LARP1B: variants seen among roughly 807,000 people sequenced by gnomAD.
The protein encoded by LARP1B is la-related protein 1B.
LARP1B carries 76 observed loss-of-function variants against 114.2 expected under a neutral mutation model. The ratio of observed to expected loss-of-function variants is 0.67; its 90% CI spans 0.55 to 0.81. The LOEUF (loss-of-function observed/expected upper bound fraction) is 0.81. Ranked by LOEUF, LARP1B falls within the 30% of genes least tolerant of loss-of-function variation. The pLI is 0.00. For missense variants in LARP1B, 1,014 were observed against 1,075.8 expected, an observed-to-expected ratio of 0.94 and a Z score of 0.80; for synonymous variants, 345 against 348.0, an observed-to-expected ratio of 0.99 and a Z score of 0.10.
At chr4:128,214,618 A>G (rs1381878714), downstream of LARP1B, among the ~76,000 whole-genome samples, 2 of 138,918 alleles carry the variant, frequency 1.4e-5, no homozygotes, top group African/African-American at 2.7e-5. Flanking sequence ...ACCAGAAAGG[A>G]CATCTACACC....
At chr4:128,078,805 G>A (rs888188066) in intron 4 of LARP1B, among the ~76,000 whole-genome samples, 1 of 152,048 alleles carries the variant, frequency 6.6e-6, no homozygotes, top group Non-Finnish European at 1.5e-5. Flanking sequence ...GTCTTCAGGC[G>A]CTTCTAGGCA....
chr4:128,074,395 ATAGT>A, intron 1 of LARP1B, 61 bp from the exon 2 acceptor site: 1 of 253,764 alleles, frequency 3.9e-6, no homozygotes, highest in South Asian at 1.5e-4. Flanking sequence ...AATTGACATA[ATAGT>A]TATTTTGTTG....
At chr4:128,083,418 C>T (rs11944181) in intron 5 of LARP1B, among the ~76,000 whole-genome samples, 3,986 of 148,236 alleles carry the variant, frequency 0.027, 149 homozygotes, top group African/African-American at 0.094. Flanking sequence ...CCTCACCTCC[C>T]GGACGGGGCG....
rs1415712426 is a variant in LARP1B at position 128,069,113 on chromosome 4, A to G, written c.-77-5347A>G. On this transcript the variant is annotated intron_variant, in intron 1 of 19. Coordinates refer to ENST00000326639, the MANE Select transcript of LARP1B (RefSeq NM_018078.4). ...GGCACTTAAGGCCCTTTCCAAGGCT[A>G]TGGCTCTTTCGGCCTGCAGATGGCA... The G allele has an allele frequency of 1.6e-5, 18 of 1,095,180 alleles. No homozygotes were observed. The African/African-American group carries it at 2.1e-4, about 13-fold the overall frequency. The allele number at this position is 1,095,180 out of a possible 1,614,324, so 67.8% of individuals were successfully genotyped here.
Position 128,114,697 on chromosome 4 carries a change from G to A in LARP1B, c.1116G>A (p.Trp372Ter), listed in dbSNP as rs1271338014. Reference sequence around the variant, plus strand: ...TGCCTGACTTGGACTCAGAACCTTGGATAGAAGTTAAAAAAAGACATCAGC... The same window carrying A: ...TGCCTGACTTGGACTCAGAACCTTGAATAGAAGTTAAAAAAAGACATCAGC... ...TSLPDLDSEP[W>*]IEVKKRHQPA... is the part of the protein sequence containing the mutation. Residue 372 changes from tryptophan to a stop codon, truncating the protein, a stop_gained, in exon 10 of 20, where the codon TGG (tryptophan) becomes TGA (stop). Transcript: ENST00000326639. LOFTEE classifies it high-confidence loss of function. 2 of 1,614,086 alleles carry A rather than the reference G, an allele frequency of 1.2e-6. No individual in the cohort carries two copies. The highest frequency in any genetic ancestry group is 1.1e-5 in the South Asian group (1 of 91,072).
At chr4:128,101,538 A>G (rs1396136549) in intron 8 of LARP1B, among the ~76,000 whole-genome samples, 1 of 151,164 alleles carries the variant, frequency 6.6e-6, no homozygotes, top group Non-Finnish European at 1.5e-5. Flanking sequence ...GTTTCTATAT[A>G]TTGTAATTAA....
At chr4:128,091,308 A>C (rs1266054897) in intron 6 of LARP1B, 39 bp from the exon 7 acceptor site, 2 of 1,558,258 alleles carry the variant, frequency 1.3e-6, no homozygotes, top group South Asian at 2.4e-5. Flanking sequence ...ATTTTTTTCT[A>C]ATATGTGATT....
intron 12 of LARP1B, among the ~76,000 whole-genome samples, chr4:128,173,234 T>C (rs1744580266): frequency 6.6e-6 from 1 of 152,108 alleles, no homozygotes; most frequent in Non-Finnish European, 1.5e-5. Context: ...CACGGGCCAA[T>C]GTGATAACGC....
chr4:128,069,512 AG>A, intron 1 of LARP1B: 1 of 748,832 alleles, frequency 1.3e-6, no homozygotes, highest in South Asian at 1.4e-5. Flanking sequence ...TGGGGTGGGG[AG>A]CCCTGTGGAG....
At chr4:128,118,573 A>G (rs1786830434) in intron 10 of LARP1B, among the ~76,000 whole-genome samples, 1 of 151,738 alleles carries the variant, frequency 6.6e-6, no homozygotes, top group Non-Finnish European at 1.5e-5. Flanking sequence ...CTGAGTATTC[A>G]TGTCCTTCAT....
chr4:128,199,633 T>G (rs1755297144), intron 16 of LARP1B, 34 bp downstream of exon 16: 2 of 1,087,296 alleles, frequency 1.8e-6, no homozygotes, highest in Non-Finnish European at 2.4e-6. Context: ...TCTAATATAT[T>G]TAAAATTAAA....
chr4:128,171,588 G>T (rs997026160), intron 12 of LARP1B, among the ~76,000 whole-genome samples: 2 of 152,046 alleles, frequency 1.3e-5, no homozygotes, highest in Non-Finnish European at 2.9e-5. Flanking sequence ...GACCTTTACC[G>T]TTTATCTTGC....
intron 12 of LARP1B, among the ~76,000 whole-genome samples, chr4:128,167,599 T>C (rs1486128676): frequency 6.6e-6 from 1 of 152,102 alleles, no homozygotes; most frequent in Non-Finnish European, 1.5e-5. Flanking sequence ...ATTTTTGCTT[T>C]TGTTGCCTGA....
chr4:128,159,613 T>C (rs1737482019), intron 11 of LARP1B, among the ~76,000 whole-genome samples: 1 of 152,200 alleles, frequency 6.6e-6, no homozygotes, highest in Non-Finnish European at 1.5e-5. Context: ...TTTGTTGCAG[T>C]TCATGAACCT....
chr4:128,201,635 C>T (rs1422251428), intron 17 of LARP1B, among the ~76,000 whole-genome samples: 2 of 152,220 alleles, frequency 1.3e-5, no homozygotes, highest in African/African-American at 2.4e-5. Context: ...TACTTCTCTT[C>T]GTCCTCCCTG....
intron 3 of LARP1B, among the ~76,000 whole-genome samples, chr4:128,075,623 C>T (rs1212450648): frequency 6.6e-6 from 1 of 151,524 alleles, no homozygotes; most frequent in African/African-American, 2.4e-5. Context: ...TCACAGCTCA[C>T]TGCAGCCTTG....
At chr4:128,188,321 C>T (rs533810113) in intron 15 of LARP1B, among the ~76,000 whole-genome samples, 87 of 152,232 alleles carry the variant, frequency 5.7e-4, no homozygotes, top group Middle Eastern at 3.4e-3. Context: ...GTCATCCGCC[C>T]GCCTTGGTCT....
chr4:128,168,969 A>G (rs1461326165), intron 12 of LARP1B, among the ~76,000 whole-genome samples: 1 of 152,092 alleles, frequency 6.6e-6, no homozygotes, highest in South Asian at 2.1e-4. Flanking sequence ...TAAACTACAC[A>G]TTTATTTATT....
At chr4:128,107,338 A>G in intron 9 of LARP1B, 25 bp downstream of exon 9, 1 of 1,612,520 alleles carries the variant, frequency 6.2e-7, no homozygotes, top group Non-Finnish European at 8.5e-7. Flanking sequence ...TCTAGAGCAA[A>G]CGATGTAACA....
Sources: allele counts gnomAD v4.1 joint callset (sites outside exome capture counted in the v4.1 genomes callset), GRCh38; gene constraint gnomAD v4.1.1; transcripts MANE v1.5; gene names NCBI Gene and HGNC (gene_info 2026-07-23, HGNC 2026-07-21).